SLC4A8: variants seen among roughly 807,000 people sequenced by gnomAD.
The protein encoded by SLC4A8 is solute carrier family 4 member 8, also known as electroneutral sodium bicarbonate exchanger 1.
In SLC4A8, 40 loss-of-function variants were observed where a neutral mutation model predicts 125.0. The observed-to-expected ratio is 0.32, with a 90% CI of 0.25 to 0.42. The LOEUF (loss-of-function observed/expected upper bound fraction) is 0.42. Among genes scored for constraint, SLC4A8 ranks in the 10% least tolerant of loss-of-function variants. The pLI is 1.00. For synonymous variants in SLC4A8, 456 were observed against 476.0 expected (o/e 0.96, Z 0.55); for missense variants, 863 against 1,355.1 (o/e 0.64, Z 5.70).
chr12:51,464,242 A>G (rs1950443460), intron 11 of SLC4A8, among the ~76,000 whole-genome samples: 1 of 152,210 alleles, frequency 6.6e-6, no homozygotes, highest in African/African-American at 2.4e-5. Flanking sequence ...GACCCAGCAC[A>G]GTGCCCTGAA....
chr12:51,472,000 T>A (rs1950713558), intron 14 of SLC4A8, among the ~76,000 whole-genome samples: 1 of 152,242 alleles, frequency 6.6e-6, no homozygotes, highest in Non-Finnish European at 1.5e-5. Context: ...GATATATTAA[T>A]CATTCCTTTC....
At chr12:51,433,504 T>C (rs1172828363) in intron 1 of SLC4A8, among the ~76,000 whole-genome samples, 1 of 152,116 alleles carries the variant, frequency 6.6e-6, no homozygotes, top group Non-Finnish European at 1.5e-5. Flanking sequence ...CTGATGAAAG[T>C]TATGGACCCT....
At chr12:51,416,790 AG>A (rs1205016205) in intron 1 of SLC4A8, among the ~76,000 whole-genome samples, 1 of 152,242 alleles carries the variant, frequency 6.6e-6, no homozygotes, top group Non-Finnish European at 1.5e-5. Flanking sequence ...ATCATTCAAA[AG>A]TAAGTTGTAG....
intron 3 of SLC4A8, among the ~76,000 whole-genome samples, chr12:51,451,476 A>G (rs1208161835): frequency 6.6e-6 from 1 of 152,230 alleles, no homozygotes; most frequent in Non-Finnish European, 1.5e-5. Flanking sequence ...TATGGTCATA[A>G]TACAAATTAT....
At chr12:51,404,517 T>C (rs1051539181) in intron 1 of SLC4A8, among the ~76,000 whole-genome samples, 22 of 152,122 alleles carry the variant, frequency 1.4e-4, no homozygotes, top group African/African-American at 5.3e-4. Flanking sequence ...AGACATTTCT[T>C]AGGGCAAGCA....
chr12:51,426,713 G>A (rs1948993465), intron 1 of SLC4A8, among the ~76,000 whole-genome samples: 1 of 152,084 alleles, frequency 6.6e-6, no homozygotes, highest in Non-Finnish European at 1.5e-5. Flanking sequence ...GCAACAAGGA[G>A]CGATGAGGGG....
intron 1 of SLC4A8, among the ~76,000 whole-genome samples, chr12:51,431,545 C>T (rs1026201098): frequency 6.6e-6 from 1 of 152,092 alleles, no homozygotes; most frequent in Non-Finnish European, 1.5e-5. Flanking sequence ...CATGGGTATT[C>T]AGGAGCTCAT....
intron 2 of SLC4A8, 87 bp downstream of exon 2, chr12:51,440,876 A>G: frequency 8.7e-7 from 1 of 1,153,364 alleles, no homozygotes; most frequent in Non-Finnish European, 1.2e-6. Flanking sequence ...TAACTCTCTC[A>G]CTAGCTGTCA....
At chr12:51,492,785 C>T (rs1313944706) in intron 19 of SLC4A8, among the ~76,000 whole-genome samples, 1 of 152,090 alleles carries the variant, frequency 6.6e-6, no homozygotes, top group Non-Finnish European at 1.5e-5. Context: ...AACCGATCAT[C>T]TAGGTTTTAA....
At chr12:51,444,175 C>T (rs1949694212) in intron 2 of SLC4A8, among the ~76,000 whole-genome samples, 1 of 152,114 alleles carries the variant, frequency 6.6e-6, no homozygotes, top group Non-Finnish European at 1.5e-5. Context: ...AACAAAGTGA[C>T]CACAGAATTA....
intron 22 of SLC4A8, among the ~76,000 whole-genome samples, chr12:51,498,083 A>G (rs1937650982): frequency 1.3e-5 from 2 of 151,644 alleles, no homozygotes; most frequent in African/African-American, 4.8e-5. Context: ...TTTTCCCCTA[A>G]TATCTTGAAC....
intron 6 of SLC4A8, 77 bp downstream of exon 6, chr12:51,457,616 G>C: frequency 7.5e-7 from 1 of 1,334,916 alleles, no homozygotes. Flanking sequence ...CTTACTAGGG[G>C]TGGGGGCTGT....
intron 9 of SLC4A8, chr12:51,461,687 G>T (rs560782061): frequency 2.5e-5 from 5 of 202,412 alleles, no homozygotes; most frequent in African/African-American, 9.4e-5. Flanking sequence ...AAGGTCATGG[G>T]TGTGACCTCA....
intron 1 of SLC4A8, among the ~76,000 whole-genome samples, chr12:51,400,801 CATATATAAACATATATGTTTATATACGT>C (rs1948374277): frequency 4.2e-5 from 3 of 71,120 alleles, no homozygotes; most frequent in Admixed American, 2.9e-4. Flanking sequence ...CACACACACA[CATATATAAACATATATGTTTATATACGT>C]ATATAAACAT....
intron 1 of SLC4A8, among the ~76,000 whole-genome samples, chr12:51,433,620 A>G (rs1266135332): frequency 1.3e-5 from 2 of 152,190 alleles, no homozygotes; most frequent in South Asian, 2.1e-4. Flanking sequence ...CTTTTTTGCC[A>G]TAAATAAATG....
At chr12:51,413,554 T>A (rs1948631157) in intron 1 of SLC4A8, among the ~76,000 whole-genome samples, 1 of 152,204 alleles carries the variant, frequency 6.6e-6, no homozygotes, top group Non-Finnish European at 1.5e-5. Flanking sequence ...TTCCTGGTCT[T>A]ACATTTAAGC....
At chr12:51,475,828 G>C (rs1950838301) in intron 16 of SLC4A8, among the ~76,000 whole-genome samples, 2 of 152,192 alleles carry the variant, frequency 1.3e-5, no homozygotes, top group Non-Finnish European at 2.9e-5. Flanking sequence ...TTCTTTGAAA[G>C]GGAACTTGAG....
At chr12:51,489,012 G>A in intron 18 of SLC4A8, 152 bp downstream of exon 18, 1 of 634,582 alleles carries the variant, frequency 1.6e-6, no homozygotes, top group African/African-American at 1.8e-5. Flanking sequence ...GATTTCTTTG[G>A]AGATTAGAGT....
chr12:51,457,438 A>G lies in SLC4A8; in HGVS notation c.662A>G (p.His221Arg), dbSNP rs199687683. 1 of 1,614,154 alleles carries G rather than the reference A, an allele frequency of 6.2e-7. No homozygotes were observed. The highest frequency in any genetic ancestry group is 2.2e-5 in the East Asian group (1 of 44,884). The change falls in exon 6 of 25, where the codon CAT becomes CGT. Residue 221 changes from histidine (H) to arginine (R), a missense_variant. Around this residue, in one of 6 missense-constraint regions of SLC4A8, gnomAD observed 390 missense variants for 634.4 expected, o/e 0.61. Transcript: ENST00000453097. ...CGGGAAGCCCTTCTCAAAAAGCATC[A>G]TCATCAGAATGAAAAGAAGAGAAAC... is the stretch of plus-strand genomic sequence containing the variant. ...KVREALLKKH[H>R]HQNEKKRNNL...
Sources: gnomAD v4.1 joint callset for allele counts (sites outside exome capture counted in the v4.1 genomes callset) on GRCh38, gnomAD v4.1.1 for gene constraint, gnomAD v4.1.1 regional missense constraint, MANE v1.5 for transcripts, NCBI Gene and HGNC (gene_info 2026-07-23, HGNC 2026-07-21) for gene names.